SCNN1B: variants seen among roughly 807,000 people sequenced by gnomAD.
The protein encoded by SCNN1B is epithelial sodium channel subunit beta.
Under a neutral mutation model 65.3 loss-of-function variants are expected in SCNN1B, and 46 were observed. The observed-to-expected ratio is 0.70, with a 90% CI of 0.56 to 0.90. The LOEUF is 0.90. SCNN1B is among the 40% of genes least tolerant of loss of function. The pLI, the probability that SCNN1B is intolerant of heterozygous loss-of-function variation, is 0.00. For missense variants in SCNN1B, 751 were observed against 830.5 expected, an observed-to-expected ratio of 0.90 and a Z score of 1.18; for synonymous variants, 349 against 330.6, an observed-to-expected ratio of 1.06 and a Z score of -0.60.
intron 2 of SCNN1B, among the ~76,000 whole-genome samples, chr16:23,293,142 A>AAAAAAAAG (rs1960950950): frequency 6.8e-6 from 1 of 147,756 alleles, no homozygotes; most frequent in Non-Finnish European, 1.5e-5. Context: ...AAAAAAAAAA[A>AAAAAAAAG]GTGAGACTTA....
intron 1 of SCNN1B, among the ~76,000 whole-genome samples, chr16:23,278,760 C>A (rs117985393): frequency 0.048 from 7,281 of 151,810 alleles, 276 homozygotes; most frequent in Non-Finnish European, 0.067. Flanking sequence ...GTGACCCCCC[C>A]ACCCCTCACA....
chr16:23,316,272 TCAC>T, intron 1 of SCNN1B, among the ~76,000 whole-genome samples: 1 of 144,456 alleles, frequency 6.9e-6, no homozygotes, highest in South Asian at 2.3e-4. Context: ...ATCACCATCT[TCAC>T]CATCACCACC....
Position 23,322,330 on chromosome 16 carries a change from T to G in SCNN1B, c.-9+19893T>G, listed in dbSNP as rs181320902. Among the ~76,000 whole-genome samples the G allele has an allele frequency of 2.1e-3, 317 of 152,282 alleles. 3 individuals are homozygous for G. Among genetic ancestry groups the G allele is most frequent in the Non-Finnish European group, 3.0e-3 (204 of 68,026 alleles). The stretch of plus-strand genomic sequence containing the variant: ...TCATTTTCTCTTTTGAGACAAGGTC[T>G]CACTCTATCACCTAGGCTAGAGTGC... On this transcript the variant is annotated intron_variant, in intron 1 of 12. Coordinates refer to ENST00000343070, the MANE Select transcript of SCNN1B (RefSeq NM_000336.3).
At chr16:23,378,638 G>C in intron 10 of SCNN1B, 68 bp from the exon 11 acceptor site, 2 of 1,455,332 alleles carry the variant, frequency 1.4e-6, no homozygotes, top group Non-Finnish European at 1.9e-6. Flanking sequence ...CCTCCCCCAG[G>C]GAACAGAGCC....
At chr16:23,375,364 C>T (rs1962871586) in intron 7 of SCNN1B, among the ~76,000 whole-genome samples, 1 of 152,162 alleles carries the variant, frequency 6.6e-6, no homozygotes, top group South Asian at 2.1e-4. Context: ...GTGTCAGGTG[C>T]TTGGACGGAG....
Position 23,380,498 on chromosome 16 carries a change from T to C in SCNN1B, c.1620T>C (p.Phe540=), listed in dbSNP as rs1357768950. The C allele has an allele frequency of 6.2e-7, 1 of 1,614,202 alleles. No individual in the cohort carries two copies. The highest frequency in any genetic ancestry group is 1.7e-5 in the Admixed American group (1 of 60,028). The change falls in exon 13 of 13, where the codon TTT becomes TTC. Residue 540 remains phenylalanine (F), a synonymous_variant. Coordinates refer to ENST00000343070, the MANE Select transcript of SCNN1B (RefSeq NM_000336.3). The surrounding 1 kb of genome is among the most constrained non-coding windows in gnomAD (Gnocchi z 5.4). ...MGGSVLCLIE[F]GEIIIDFVWI... ...GCTCTGTGCTGTGCCTCATCGAGTT[T>C]GGGGAGATCATCATCGACTTTGTGT...
chr16:23,337,269 G>A (rs1961961842), intron 1 of SCNN1B, among the ~76,000 whole-genome samples: 1 of 151,944 alleles, frequency 6.6e-6, no homozygotes, highest in Admixed American at 6.6e-5. Flanking sequence ...ACCTGGGCTG[G>A]TTTCAAACTC....
At chr16:23,357,420 T>C (rs1962443042) in intron 4 of SCNN1B, among the ~76,000 whole-genome samples, 2 of 152,192 alleles carry the variant, frequency 1.3e-5, no homozygotes, top group Admixed American at 1.3e-4. Flanking sequence ...TTGTCTCTAC[T>C]AAAAATACAA....
chr16:23,376,439 T>C (rs917164241), intron 8 of SCNN1B, among the ~76,000 whole-genome samples: 3 of 151,936 alleles, frequency 2.0e-5, no homozygotes, highest in African/African-American at 7.3e-5. Context: ...CTATGTGGGC[T>C]CATTGGGTCT....
At chr16:23,371,238 T>G in intron 5 of SCNN1B, 61 bp from the exon 6 acceptor site, 1 of 1,586,052 alleles carries the variant, frequency 6.3e-7, no homozygotes. Context: ...AAGTGGGTAG[T>G]GGGGTCTCCT....
At chr16:23,360,361 C>T (rs567821666) in intron 4 of SCNN1B, among the ~76,000 whole-genome samples, 22 of 151,270 alleles carry the variant, frequency 1.5e-4, no homozygotes, top group African/African-American at 5.4e-4. Context: ...CATAGTGAGA[C>T]CCCCCATCTC....
At chr16:23,316,762 C>T (rs528868652) in intron 1 of SCNN1B, among the ~76,000 whole-genome samples, 1 of 149,550 alleles carries the variant, frequency 6.7e-6, no homozygotes, top group Non-Finnish European at 1.5e-5. Flanking sequence ...TCCTCACCAT[C>T]ATCACCATCA....
intron 2 of SCNN1B, among the ~76,000 whole-genome samples, chr16:23,291,328 G>T (rs1353674842): frequency 1.3e-5 from 2 of 152,062 alleles, no homozygotes; most frequent in Admixed American, 6.6e-5. Flanking sequence ...CTCCCAAAGT[G>T]CTGAGATTAT....
intron 1 of SCNN1B, among the ~76,000 whole-genome samples, chr16:23,327,089 T>A (rs1961712781): frequency 6.6e-6 from 1 of 151,658 alleles, no homozygotes; most frequent in African/African-American, 2.4e-5. Context: ...GCTAACGTTT[T>A]TATTTTTTGT....
At chr16:23,358,038 C>A (rs376088724) in intron 4 of SCNN1B, among the ~76,000 whole-genome samples, 1 of 152,348 alleles carries the variant, frequency 6.6e-6, no homozygotes. Context: ...GCTGTCAACT[C>A]CCTACCCATC....
At chr16:23,306,291 T>C (rs1394043788) in intron 1 of SCNN1B, among the ~76,000 whole-genome samples, 1 of 152,042 alleles carries the variant, frequency 6.6e-6, no homozygotes, top group African/African-American at 2.4e-5. Context: ...GCATTTTTTG[T>C]GACTCCATTT....
At chr16:23,359,350 C>T in intron 4 of SCNN1B, 1 of 152,292 alleles carries the variant, frequency 6.6e-6, no homozygotes, top group East Asian at 1.9e-4. Context: ...ATTGCCTCAT[C>T]AGAAAGGGTG....
At chr16:23,368,529 G>A (rs1962719061) in intron 5 of SCNN1B, among the ~76,000 whole-genome samples, 1 of 151,980 alleles carries the variant, frequency 6.6e-6, no homozygotes, top group African/African-American at 2.4e-5. Flanking sequence ...TACTTGGGTG[G>A]TGTTCCTGAG....
intron 1 of SCNN1B, among the ~76,000 whole-genome samples, chr16:23,309,279 G>A (rs1961287432): frequency 6.6e-6 from 1 of 152,082 alleles, no homozygotes; most frequent in Admixed American, 6.6e-5. Flanking sequence ...TTTTAGAGGA[G>A]TTGCTTTCTA....
Sources: gnomAD v4.1 joint callset for allele counts (sites outside exome capture counted in the v4.1 genomes callset) on GRCh38, gnomAD v4.1.1 for gene constraint, Gnocchi (gnomAD v3.1) non-coding constraint, MANE v1.5 for transcripts, NCBI Gene and HGNC (gene_info 2026-07-23, HGNC 2026-07-21) for gene names.